FAM217A: variants seen among roughly 807,000 people sequenced by gnomAD.
FAM217A encodes family with sequence similarity 217 member A.
In FAM217A, 13 loss-of-function variants were observed where a neutral mutation model predicts 18.5. The observed-to-expected ratio is 0.70, with a 90% CI of 0.46 to 1.12. The LOEUF (loss-of-function observed/expected upper bound fraction) is 1.12, where lower values mean the gene tolerates loss of function less well. Among genes scored for constraint, FAM217A ranks in the 50% most tolerant of loss-of-function variants. FAM217A has a pLI of 0.00. For synonymous variants in FAM217A, 161 were observed against 202.8 expected (o/e 0.79, Z 1.75); for missense variants, 560 against 575.4 (o/e 0.97, Z 0.27).
At chr6:4,085,215 G>A (rs1352293323) in intron 1 of FAM217A, among the ~76,000 whole-genome samples, 2 of 151,764 alleles carry the variant, frequency 1.3e-5, no homozygotes, top group South Asian at 2.1e-4. Context: ...CATTCATGAC[G>A]GGTCTTTCCC....
Position 4,069,746 on chromosome 6 carries a change from A to C in FAM217A, c.477T>G (p.Phe159Leu). ...LCWPYADGDF[F>L]KNRNEIHVSS... is the part of the protein sequence containing the mutation. ...TAACATGAATCTCATTTCTGTTCTT[A>C]AAAAAGTCTCCATCAGCATAGGGCC... is the stretch of plus-strand genomic sequence containing the variant. The change falls in exon 7 of 7, where the codon TTT (phenylalanine) becomes TTG (leucine). Residue 159 changes from phenylalanine to leucine, a missense_variant. By Grantham distance (22) the Phe-to-Leu change is conservative. Coordinates refer to ENST00000274673, the MANE Select transcript of FAM217A (RefSeq NM_173563.3). The C allele has an allele frequency of 6.2e-7, 1 of 1,614,126 alleles. No individual in the cohort carries two copies. The highest frequency in any genetic ancestry group is 8.5e-7 in the Non-Finnish European group (1 of 1,179,982).
intron 2 of FAM217A, among the ~76,000 whole-genome samples, chr6:4,076,903 A>G (rs561578179): frequency 6.6e-6 from 1 of 152,232 alleles, no homozygotes; most frequent in East Asian, 1.9e-4. Flanking sequence ...CACCAAAACA[A>G]CAAAAAATTA....
chr6:4,079,677 C>T (rs1284354553), upstream of FAM217A: 20 of 1,286,524 alleles, frequency 1.6e-5, no homozygotes, highest in Non-Finnish European at 2.0e-5. Flanking sequence ...AGGAGCACCG[C>T]CCGGTACGTA....
intron 4 of FAM217A, 100 bp downstream of exon 4, chr6:4,074,343 T>G: frequency 1.0e-6 from 1 of 965,782 alleles, no homozygotes; most frequent in Non-Finnish European, 1.5e-6. Flanking sequence ...AGAAATGAAA[T>G]TTAAAGTTTA....
chr6:4,077,269 A>C (rs1769870885), intron 2 of FAM217A, 86 bp downstream of exon 2: 1 of 1,338,818 alleles, frequency 7.5e-7, no homozygotes, highest in African/African-American at 1.4e-5. Flanking sequence ...CAGCAAGGGC[A>C]TCACTACAAG....
At chr6:4,077,797 C>T (rs1769936696) in intron 1 of FAM217A, among the ~76,000 whole-genome samples, 1 of 152,160 alleles carries the variant, frequency 6.6e-6, no homozygotes, top group African/African-American at 2.4e-5. Flanking sequence ...ACAAAGTCTC[C>T]TTTTATTCAT....
intron 2 of FAM217A, among the ~76,000 whole-genome samples, chr6:4,076,760 C>T (rs1184644061): frequency 9.2e-5 from 14 of 151,622 alleles, no homozygotes; most frequent in East Asian, 3.9e-4. Context: ...CCCAGCTACT[C>T]GGGAGGCTGA....
rs1229810400 is a variant in FAM217A, at chr6:4,078,961, CGGCCTT to C, written c.-150_-145del. ...GGCTTGGAGGGCGCCCCCTCTGCCG[CGGCCTT>C]CCTGCAGCGGGGGGACAAAGAGGGC... On this transcript the variant is annotated 5_prime_UTR_variant, in exon 1 of 7. Transcript: ENST00000274673. 1 of 530,744 alleles carries C rather than the reference CGGCCTT, an allele frequency of 1.9e-6. No homozygotes were observed. Among genetic ancestry groups the C allele is most frequent in the Non-Finnish European group, 3.3e-6 (1 of 301,210 alleles). 32.9% of individuals were successfully genotyped at this position (530,744 alleles called of 1,614,324 possible).
At chr6:4,085,311 A>AAAAAAAAATAT (rs377046907) in intron 1 of FAM217A, among the ~76,000 whole-genome samples, 9 of 146,438 alleles carry the variant, frequency 6.1e-5, no homozygotes, top group Middle Eastern at 3.6e-3. Flanking sequence ...TGTAAAAAAA[A>AAAAAAAAATAT]ATATATATAT....
At chr6:4,071,573 C>T (rs143552075) in intron 6 of FAM217A, among the ~76,000 whole-genome samples, 4 of 152,270 alleles carry the variant, frequency 2.6e-5, no homozygotes, top group South Asian at 4.1e-4. Context: ...AGGTCCTAAC[C>T]GCTGCATTCT....
At chr6:4,078,702 GA>G in intron 1 of FAM217A, 149 bp downstream of exon 1, 1 of 396,004 alleles carries the variant, frequency 2.5e-6, no homozygotes, top group Non-Finnish European at 4.5e-6. Context: ...CAGAGTGCTT[GA>G]AGGCGCGTGT....
At chr6:4,073,542 ATC>A in intron 4 of FAM217A, 35 bp from the exon 5 acceptor site, 1 of 1,517,872 alleles carries the variant, frequency 6.6e-7, no homozygotes, top group Non-Finnish European at 9.1e-7. Context: ...AACATAATAT[ATC>A]TCTGTTCCCT....
At chr6:4,082,211 G>A (rs1161110203), upstream of FAM217A, among the ~76,000 whole-genome samples, 1 of 152,130 alleles carries the variant, frequency 6.6e-6, no homozygotes, top group Non-Finnish European at 1.5e-5. Context: ...TCTGGCTCTG[G>A]CCCAGCGTAG....
chr6:4,069,965 T>A, intron 6 of FAM217A, 45 bp from the exon 7 acceptor site: 1 of 1,332,614 alleles, frequency 7.5e-7, no homozygotes, highest in Non-Finnish European at 1.0e-6. Flanking sequence ...TGACTAGAAT[T>A]AAAATGCTAT....
rs1409656928 is a variant in FAM217A, at chr6:4,068,854, C to T, written c.1369G>A (p.Glu457Lys). The T allele has an allele frequency of 5.6e-6, 9 of 1,613,962 alleles. No individual in the cohort carries two copies. In the African/African-American group the frequency reaches 1.1e-4, roughly 19 times the overall value. Residue 457 changes from glutamate (E) to lysine (K), a missense_variant, in exon 7 of 7, where the codon GAA becomes AAA. Physicochemically the swap from Glu to Lys is moderately conservative, Grantham distance 56 (BLOSUM62 1). Coordinates refer to ENST00000274673, the MANE Select transcript of FAM217A (RefSeq NM_173563.3). ...TTTCTCTTCGGTGCCTTAATTTCTTCCTTCTGATTTTCGGGAAAAGTCAGA... is the reference window on the plus strand; with the variant it reads ...TTTCTCTTCGGTGCCTTAATTTCTTTCTTCTGATTTTCGGGAAAAGTCAGA... ...IPLTFPENQK[E>K]EIKAPKRNFG...
chr6:4,072,171 T>C lies in FAM217A; in HGVS notation c.302+1104A>G, dbSNP rs547786990. On this transcript the variant is annotated intron_variant, in intron 6 of 6. Transcript: ENST00000274673. ...GCCTGGCCAAGATGGTAAAACCCCA[T>C]CTCTACTAAAAATACAAAAATTAGC... Among the ~76,000 whole-genome samples, 3 of 151,754 alleles carry C rather than the reference T, an allele frequency of 2.0e-5. 1 individual carries two copies. The South Asian group carries it at 6.3e-4, about 32-fold the overall frequency.
upstream of FAM217A, among the ~76,000 whole-genome samples, chr6:4,081,141 A>G (rs567416126): frequency 4.5e-4 from 69 of 152,296 alleles, no homozygotes; most frequent in African/African-American, 1.5e-3. Context: ...GTTTCAATTG[A>G]TTTAATTATT....
At position 4,068,841 on chromosome 6, in the gene FAM217A, G is replaced by T. The variant is rs369347224; in HGVS notation, c.1382C>A (p.Ala461Glu). The T allele has an allele frequency of 6.2e-7, 1 of 1,614,152 alleles. No individual in the cohort carries two copies. Among genetic ancestry groups the T allele is most frequent in the Admixed American group, 1.7e-5 (1 of 60,020 alleles). The change falls in exon 7 of 7, where the codon GCA (alanine) becomes GAA (glutamate). Residue 461 changes from alanine (A) to glutamate (E), a missense_variant. Ala to Glu is a moderately radical substitution (Grantham distance 107). Transcript: ENST00000274673. ...FPENQKEEIK[A>E]PKRNFGTKKK... The stretch of plus-strand genomic sequence containing the variant: ...TTTGGTCCCAAAGTTTCTCTTCGGT[G>T]CCTTAATTTCTTCCTTCTGATTTTC...
chr6:4,074,762 AG>A (rs1769665132), intron 2 of FAM217A, 101 bp from the exon 3 acceptor site: 6 of 838,476 alleles, frequency 7.2e-6, no homozygotes. Flanking sequence ...AAAGGCACAA[AG>A]CTTCATGACT....
Sources: allele counts gnomAD v4.1 joint callset (sites outside exome capture counted in the v4.1 genomes callset), GRCh38; gene constraint gnomAD v4.1.1; transcripts MANE v1.5; gene names NCBI Gene and HGNC (gene_info 2026-07-23, HGNC 2026-07-21).